The following DDX50 variants were observed in gnomAD, a reference collection of about 807,000 sequenced individuals.
DDX50 encodes ATP-dependent RNA helicase DDX50.
Under a neutral mutation model 94.8 loss-of-function variants are expected in DDX50, and 56 were observed. That is an observed-to-expected ratio of 0.59 (90% CI 0.48 to 0.74). DDX50 has a LOEUF of 0.74. DDX50 is among the 30% of genes least tolerant of loss of function. The pLI, the probability that DDX50 is intolerant of heterozygous loss-of-function variation, is 0.00. For synonymous variants in DDX50, 264 were observed against 295.4 expected, an observed-to-expected ratio of 0.89 and a Z score of 1.09; for missense variants, 713 against 881.2, an observed-to-expected ratio of 0.81 and a Z score of 2.42.
intron 12 of DDX50, among the ~76,000 whole-genome samples, chr10:68,938,519 C>T (rs1207913598): frequency 6.6e-6 from 1 of 152,098 alleles, no homozygotes; most frequent in Non-Finnish European, 1.5e-5. Flanking sequence ...AAGACTAGAG[C>T]CTGCTGGTGG....
Position 68,911,238 on chromosome 10 carries a change from T to C in DDX50, c.631T>C (p.Ser211Pro). The change falls in exon 4 of 15, where the codon TCA becomes CCA. Residue 211 changes from serine to proline, a missense_variant. Ser to Pro is a moderately conservative substitution (Grantham distance 74, BLOSUM62 -1). Coordinates refer to ENST00000373585, the MANE Select transcript of DDX50 (RefSeq NM_024045.2). The part of the protein sequence containing the change: ...RNQETIKKSR[S>P]PKVLVLAPTR... ...TCAAGAAACAATTAAAAAAAGCCGC[T>C]CACCAAAGGTAATCGTTATAGGGGG... 2 of 1,595,950 alleles carry C rather than the reference T, an allele frequency of 1.3e-6. No individual in the cohort carries two copies. The highest frequency in any genetic ancestry group is 1.7e-6 in the Non-Finnish European group (2 of 1,174,816).
intron 8 of DDX50, among the ~76,000 whole-genome samples, chr10:68,931,409 ATGT>A (rs1842262892): frequency 2.7e-5 from 2 of 72,838 alleles, no homozygotes; most frequent in Non-Finnish European, 5.8e-5. Flanking sequence ...ATATATATAT[ATGT>A]ATATATATAT....
At chr10:68,920,968 A>AG (rs201787103) in intron 8 of DDX50, among the ~76,000 whole-genome samples, 1 of 63,106 alleles carries the variant, frequency 1.6e-5, no homozygotes, top group Non-Finnish European at 3.7e-5. Context: ...AAAAAAAGAA[A>AG]GGGAAAAAAA....
intron 8 of DDX50, among the ~76,000 whole-genome samples, chr10:68,931,952 T>C (rs2394498): frequency 0.62 from 93,935 of 151,930 alleles, 29,459 homozygotes; most frequent in East Asian, 0.89. Context: ...AGCCTTCTGC[T>C]CCTTCTTTTA....
chr10:68,938,606 G>A (rs1219141899), intron 12 of DDX50, among the ~76,000 whole-genome samples: 2 of 152,196 alleles, frequency 1.3e-5, no homozygotes, highest in African/African-American at 4.8e-5. Context: ...AAAAAGGGCA[G>A]GGCAGGTTCA....
chr10:68,931,447 A>ACACACACACAC (rs10525578), intron 8 of DDX50, among the ~76,000 whole-genome samples: 5 of 134,940 alleles, frequency 3.7e-5, no homozygotes, highest in Admixed American at 7.5e-5. Context: ...ACACACACAC[A>ACACACACACAC]ATTTTTTTTT....
chr10:68,903,072 C>T (rs997105378), intron 1 of DDX50, among the ~76,000 whole-genome samples: 3 of 152,198 alleles, frequency 2.0e-5, no homozygotes, highest in South Asian at 2.1e-4. Flanking sequence ...GATTTGGAAA[C>T]GAATTGGAAT....
chr10:68,917,074 A>G (rs1175198801), intron 7 of DDX50, among the ~76,000 whole-genome samples: 4 of 152,272 alleles, frequency 2.6e-5, no homozygotes, highest in South Asian at 2.1e-4. Context: ...GGATCCAAAT[A>G]CAATTCTTGA....
chr10:68,942,497 T>C (rs534205229), intron 13 of DDX50, among the ~76,000 whole-genome samples: 6 of 152,300 alleles, frequency 3.9e-5, no homozygotes, highest in African/African-American at 1.4e-4. Flanking sequence ...GCAAGATCCA[T>C]AGGCCAAACT....
Position 68,911,181 on chromosome 10 carries a change from G to A in DDX50, c.574G>A (p.Ala192Thr). Residue 192 changes from alanine (A) to threonine (T), a missense_variant, in exon 4 of 15, where the codon GCC becomes ACC. Physicochemically the swap from Ala to Thr is moderately conservative, Grantham distance 58 (BLOSUM62 0). Coordinates refer to ENST00000373585, the MANE Select transcript of DDX50 (RefSeq NM_024045.2). The part of the protein sequence containing the change: ...RTGTGKTFSF[A>T]IPLIERLQRN... ...AGGAACAGGAAAGACATTCTCTTTT[G>A]CCATCCCCTTAATTGAAAGACTCCA... is the stretch of plus-strand genomic sequence containing the variant. The A allele has an allele frequency of 6.2e-7, 1 of 1,612,022 alleles. No homozygotes were observed. Among genetic ancestry groups the A allele is most frequent in the Non-Finnish European group, 8.5e-7 (1 of 1,179,226 alleles).
intron 11 of DDX50, 91 bp downstream of exon 11, chr10:68,936,170 C>T (rs924429437): frequency 2.0e-6 from 2 of 1,003,552 alleles, no homozygotes; most frequent in Non-Finnish European, 2.9e-6. Context: ...GAAAATTTTA[C>T]CACCAGTTTT....
At chr10:68,929,184 C>T (rs1293007916) in intron 8 of DDX50, among the ~76,000 whole-genome samples, 11 of 151,786 alleles carry the variant, frequency 7.2e-5, no homozygotes, top group African/African-American at 2.4e-4. Flanking sequence ...TGACCTCAAG[C>T]GGTCCACCCA....
chr10:68,906,707 A>G lies in DDX50; in HGVS notation c.88-4A>G. On this transcript the variant is annotated splice_region_variant and splice_polypyrimidine_tract_variant and intron_variant, in intron 1 of 14. Transcript: ENST00000373585. ...CTTGTCATTGCTTCTTTGTTTGTTC[A>G]CAGAGTGACAGAAGGAAGTCAAGGC... 6.2e-7 allele frequency: 1 copy of G among 1,602,042 alleles called. No homozygotes were observed. Among genetic ancestry groups the G allele is most frequent in the Non-Finnish European group, 8.5e-7 (1 of 1,177,420 alleles).
At chr10:68,930,173 G>A (rs1252504004) in intron 8 of DDX50, among the ~76,000 whole-genome samples, 1 of 126,840 alleles carries the variant, frequency 7.9e-6, no homozygotes, top group Admixed American at 9.1e-5. Flanking sequence ...GCTGGAGTAC[G>A]ATGATGTGAT....
Position 68,913,567 on chromosome 10 carries a change from T to C in DDX50, c.934T>C (p.Tyr312His). Residue 312 changes from tyrosine to histidine, a missense_variant, in exon 6 of 15, where the codon TAC becomes CAC. Around this residue, in one of 2 missense-constraint regions of DDX50, gnomAD observed 428 missense variants for 602.3 expected, o/e 0.71. Coordinates refer to ENST00000373585, the MANE Select transcript of DDX50 (RefSeq NM_024045.2). ...EQVEDIIHES[Y>H]KTDSEDNPQT... ...AGTTGAAGATATTATTCATGAATCC[T>C]ACAAAACTGGTATATCCTAATTCAA... The C allele has an allele frequency of 6.2e-7, 1 of 1,611,752 alleles. No individual in the cohort carries two copies.
intron 12 of DDX50, among the ~76,000 whole-genome samples, chr10:68,938,893 A>G (rs923622077): frequency 6.6e-6 from 1 of 151,644 alleles, no homozygotes. Flanking sequence ...TTTTTTTCTG[A>G]TATTGATTTG....
At position 68,934,952 on chromosome 10, in the gene DDX50, C is replaced by G; in HGVS notation, c.1521+34C>G. 6.3e-7 allele frequency: 1 copy of G among 1,594,884 alleles called. No individual in the cohort carries two copies. Among genetic ancestry groups the G allele is most frequent in the Non-Finnish European group, 8.5e-7 (1 of 1,171,756 alleles). On this transcript the variant is annotated intron_variant, in intron 10 of 14. Transcript: ENST00000373585. This position sits in a 1 kb window ranked among gnomAD's most constrained non-coding sequence, Gnocchi z 4.0. ...AGTTAAATTATTTCAGGCTTATTGT[C>G]TAAATGGTGCCTTAAAAGAGAGCTC...
intron 8 of DDX50, among the ~76,000 whole-genome samples, chr10:68,926,739 G>A (rs188180237): frequency 3.4e-5 from 5 of 148,928 alleles, no homozygotes. Flanking sequence ...ATGAATGAAT[G>A]AATCATTAAA....
At chr10:68,943,162 AT>A (rs760732185) in intron 13 of DDX50, 50 bp from the exon 14 acceptor site, 22 of 1,563,788 alleles carry the variant, frequency 1.4e-5, no homozygotes, top group East Asian at 2.2e-5. Context: ...AACAAAAAAA[AT>A]CTACACATAT....
Sources: gnomAD v4.1 joint callset for allele counts (sites outside exome capture counted in the v4.1 genomes callset) on GRCh38, gnomAD v4.1.1 for gene constraint, gnomAD v4.1.1 regional missense constraint, Gnocchi (gnomAD v3.1) non-coding constraint, MANE v1.5 for transcripts, NCBI Gene and HGNC (gene_info 2026-07-23, HGNC 2026-07-21) for gene names.